ZNF169: variants seen among roughly 807,000 people sequenced by gnomAD.
The protein encoded by ZNF169 is zinc finger protein 169.
In ZNF169, 11 loss-of-function variants were observed where a neutral mutation model predicts 12.0. That is an observed-to-expected ratio of 0.92 (90% CI 0.58 to 1.52). The LOEUF is 1.52. Ranked by LOEUF, ZNF169 falls within the 40% of genes most tolerant of loss-of-function variation. The pLI, the probability that ZNF169 is intolerant of heterozygous loss-of-function variation, is 0.00. For synonymous variants in ZNF169, 302 were observed against 286.5 expected (o/e 1.05, Z -0.55); for missense variants, 722 against 744.0 (o/e 0.97, Z 0.34).
chr9:94,277,824 C>A (rs932397331), intron 1 of ZNF169, among the ~76,000 whole-genome samples: 1 of 150,918 alleles, frequency 6.6e-6, no homozygotes. Context: ...CCCAGCTACT[C>A]GGGAGGCTGA....
chr9:94,272,993 TTTC>T (rs1411962069), intron 1 of ZNF169, among the ~76,000 whole-genome samples: 10 of 152,206 alleles, frequency 6.6e-5, no homozygotes, highest in African/African-American at 1.9e-4. Context: ...TTGAACATCT[TTTC>T]ATATGGTTCT....
intron 2 of ZNF169, among the ~76,000 whole-genome samples, chr9:94,283,338 A>G (rs1325013088): frequency 6.6e-6 from 1 of 152,016 alleles, no homozygotes; most frequent in African/African-American, 2.4e-5. Context: ...AATCTGGGAG[A>G]TGGAGGTTGC....
intron 1 of ZNF169, among the ~76,000 whole-genome samples, chr9:94,277,761 C>T (rs1264436974): frequency 6.6e-6 from 1 of 151,698 alleles, no homozygotes; most frequent in Non-Finnish European, 1.5e-5. Context: ...GAAACCCCGT[C>T]TCTACTAAAA....
intron 1 of ZNF169, among the ~76,000 whole-genome samples, chr9:94,275,786 GT>G (rs774781157): frequency 0.086 from 11,209 of 130,372 alleles, 904 homozygotes; most frequent in African/African-American, 0.26. Flanking sequence ...TGCACTATCT[GT>G]TTTTTTTTTT....
intron 2 of ZNF169, chr9:94,287,825 C>T (rs1411224135): frequency 3.7e-5 from 41 of 1,110,906 alleles, no homozygotes; most frequent in Non-Finnish European, 5.4e-5. Context: ...CTAAACCTCT[C>T]AGGCTGGAGT....
intron 2 of ZNF169, among the ~76,000 whole-genome samples, chr9:94,281,593 C>T (rs558096924): frequency 6.6e-6 from 1 of 152,252 alleles, no homozygotes; most frequent in African/African-American, 2.4e-5. Context: ...GACCATGGCC[C>T]ATGACACAGC....
At chr9:94,265,093 T>C (rs1202890013) in intron 1 of ZNF169, among the ~76,000 whole-genome samples, 1 of 147,188 alleles carries the variant, frequency 6.8e-6, no homozygotes, top group Non-Finnish European at 1.5e-5. Flanking sequence ...TGTTTAACAT[T>C]AAAAAAAACC....
chr9:94,289,656 G>T (rs1481011616), intron 2 of ZNF169, among the ~76,000 whole-genome samples: 2 of 152,126 alleles, frequency 1.3e-5, no homozygotes, highest in East Asian at 3.9e-4. Flanking sequence ...TGGGCTTGGT[G>T]GCAGGAGCCT....
At chr9:94,280,959 C>T (rs920225503) in intron 2 of ZNF169, among the ~76,000 whole-genome samples, 2 of 151,752 alleles carry the variant, frequency 1.3e-5, no homozygotes, top group Non-Finnish European at 2.9e-5. Context: ...GGCAAGGGGG[C>T]GAAGAGAACC....
chr9:94,299,892 C>G lies in ZNF169; in HGVS notation c.334C>G (p.Leu112Val), dbSNP rs1343965203. 1 of 1,614,162 alleles carries G rather than the reference C, an allele frequency of 6.2e-7. No individual in the cohort carries two copies. The highest frequency in any genetic ancestry group is 8.5e-7 in the Non-Finnish European group (1 of 1,180,042). Residue 112 changes from leucine to valine, a missense_variant, in exon 5 of 5, where the codon CTA (leucine) becomes GTA (valine). Leu to Val is a conservative substitution (Grantham distance 32). Transcript: ENST00000395395. ...SSSQLLRQYALSGHPTQIFPS... is the reference protein window; with the variant it reads ...SSSQLLRQYAVSGHPTQIFPS... Reference sequence around the variant, plus strand: ...CTCGCAGCTCCTCAGACAATATGCGCTAAGTGGCCATCCCACACAGATCTT... The same window carrying G: ...CTCGCAGCTCCTCAGACAATATGCGGTAAGTGGCCATCCCACACAGATCTT...
intron 2 of ZNF169, among the ~76,000 whole-genome samples, chr9:94,289,715 G>A (rs557574281): frequency 4.6e-5 from 7 of 152,266 alleles, no homozygotes; most frequent in Non-Finnish European, 8.8e-5. Flanking sequence ...ACTTGCATTC[G>A]GGAGGCAGAG....
chr9:94,301,328 G>A lies in ZNF169; in HGVS notation c.1770G>A (p.Arg590=), dbSNP rs761635845. ...SQKSHLHRHR[R]TKSGHQLLPQ... is the part of the protein sequence containing the mutation. ...AGTCTCACTTGCATAGACACAGGAG[G>A]ACCAAGTCTGGTCATCAGCTCCTAC... The change falls in exon 5 of 5, where the codon AGG becomes AGA. Residue 590 remains arginine (R), a synonymous_variant. Coordinates refer to ENST00000395395, the MANE Select transcript of ZNF169 (RefSeq NM_194320.4). 13 of 1,614,082 alleles carry A rather than the reference G, an allele frequency of 8.1e-6. No homozygotes were observed. The East Asian group carries it at 2.9e-4, about 36-fold the overall frequency.
chr9:94,289,696 A>G (rs1358016560), intron 2 of ZNF169, among the ~76,000 whole-genome samples: 1 of 152,208 alleles, frequency 6.6e-6, no homozygotes. Flanking sequence ...ACGCTGAGGC[A>G]GGAGAATCAC....
chr9:94,271,613 G>A (rs62578823), intron 1 of ZNF169, among the ~76,000 whole-genome samples: 56,162 of 150,740 alleles, frequency 0.37, 10,828 homozygotes, highest in Middle Eastern at 0.44. Flanking sequence ...CCAGCTACTT[G>A]GGAGGCTGAG....
At chr9:94,263,173 G>A (rs1373486022) in intron 1 of ZNF169, among the ~76,000 whole-genome samples, 2 of 152,050 alleles carry the variant, frequency 1.3e-5, no homozygotes, top group Non-Finnish European at 2.9e-5. Context: ...AACTGTTGTG[G>A]CAAGGTGTTA....
At chr9:94,263,821 G>T in intron 1 of ZNF169, among the ~76,000 whole-genome samples, 1 of 141,506 alleles carries the variant, frequency 7.1e-6, no homozygotes. Flanking sequence ...TGCCTTCTTT[G>T]GGCCAATTGA....
In ZNF169 at chr9:94,299,912, G is replaced by C. The variant is rs200782458; in HGVS notation, c.354G>C (p.Gln118His). The change falls in exon 5 of 5, where the codon CAG becomes CAC. Residue 118 changes from glutamine (Q) to histidine (H), a missense_variant. Transcript: ENST00000395395. ...ATGCGCTAAGTGGCCATCCCACACA[G>C]ATCTTCCCAAGCTCATCTGCAGGAG... The part of the protein sequence containing the change: ...RQYALSGHPT[Q>H]IFPSSSAGGD... 1.3e-4 allele frequency: 205 copies of C among 1,614,028 alleles called. No homozygotes were observed. The highest frequency in any genetic ancestry group is 1.6e-4 in the Non-Finnish European group (194 of 1,180,048).
chr9:94,261,722 C>G (rs1448960450), intron 1 of ZNF169, among the ~76,000 whole-genome samples: 3 of 152,190 alleles, frequency 2.0e-5, no homozygotes, highest in African/African-American at 7.2e-5. Context: ...TACTTAACCT[C>G]GTGGAGCTGC....
chr9:94,273,349 G>A (rs973489701), intron 1 of ZNF169, among the ~76,000 whole-genome samples: 4 of 151,238 alleles, frequency 2.6e-5, no homozygotes, highest in African/African-American at 9.7e-5. Context: ...ATAGTTTCAG[G>A]TCTAGGGTTT....
Sources: gnomAD v4.1 joint callset for allele counts (sites outside exome capture counted in the v4.1 genomes callset) on GRCh38, gnomAD v4.1.1 for gene constraint, MANE v1.5 for transcripts, NCBI Gene and HGNC (gene_info 2026-07-23, HGNC 2026-07-21) for gene names.